The following ADM variants were observed in gnomAD, a reference collection of about 807,000 sequenced individuals.
ADM encodes pro-adrenomedullin.
A neutral mutation model predicts 9.0 loss-of-function variants in ADM; 4 were observed. The observed-to-expected ratio is 0.44, with a 90% CI of 0.22 to 1.02. The LOEUF (loss-of-function observed/expected upper bound fraction) is 1.02. Among genes scored for constraint, ADM ranks in the 50% least tolerant of loss-of-function variants. ADM has a pLI of 0.24. For missense variants in ADM, 253 were observed against 254.1 expected (o/e 1.00, Z 0.03); for synonymous variants, 107 against 107.2 (o/e 1.00, Z 0.01).
rs769266584 is a variant in ADM, at chr11:10,305,698, G to C, written c.-3G>C. 1.2e-6 allele frequency: 2 copies of C among 1,613,642 alleles called. No individual in the cohort carries two copies. Among genetic ancestry groups the C allele is most frequent in the Non-Finnish European group, 1.7e-6 (2 of 1,179,922 alleles). ...TTTCCAGGGTCTGCGCTTCGCAGCCGGGATGAAGCTGGTTTCCGTCGCCCT... is the reference window on the plus strand; with the variant it reads ...TTTCCAGGGTCTGCGCTTCGCAGCCCGGATGAAGCTGGTTTCCGTCGCCCT... On this transcript the variant is annotated 5_prime_UTR_variant, in exon 2 of 4. Coordinates refer to ENST00000278175, the MANE Select transcript of ADM (RefSeq NM_001124.3).
At position 10,306,738 on chromosome 11, in the gene ADM, T is replaced by C; in HGVS notation, c.*97T>C. The C allele has an allele frequency of 7.7e-7, 1 of 1,300,654 alleles. No individual in the cohort carries two copies. The highest frequency in any genetic ancestry group is 1.5e-5 in the African/African-American group (1 of 66,426). 80.6% of individuals were successfully genotyped at this position (1,300,654 alleles called of 1,614,324 possible). On this transcript the variant is annotated 3_prime_UTR_variant, in exon 4 of 4. Transcript: ENST00000278175. Reference sequence around the variant, plus strand: ...CCCGAGCGGTGTGGGGACCGGGCTCTGACAGCCCTGCGGAGACCCTGAGTC... The same window carrying C: ...CCCGAGCGGTGTGGGGACCGGGCTCCGACAGCCCTGCGGAGACCCTGAGTC...
intron 1 of ADM, 63 bp downstream of exon 1, chr11:10,305,292 A>C: frequency 5.2e-6 from 1 of 190,952 alleles, no homozygotes; most frequent in Non-Finnish European, 1.1e-5. Context: ...CCAAGGCCCT[A>C]AACTGGGAGC....
intron 1 of ADM, 40 bp from the exon 2 acceptor site, chr11:10,305,640 G>T (rs1050111038): frequency 6.4e-6 from 10 of 1,568,684 alleles, no homozygotes; most frequent in Admixed American, 5.1e-5. Flanking sequence ...GGTGCAGCTG[G>T]CCCGGGTGCT....
chr11:10,305,568 G>C (rs1964644056), intron 1 of ADM, 112 bp from the exon 2 acceptor site: 3 of 850,134 alleles, frequency 3.5e-6, no homozygotes, highest in Non-Finnish European at 3.7e-6. Context: ...CTGAGCCAGG[G>C]AAAGCGCGGG....
chr11:10,306,311 T>TGGCGCG, intron 3 of ADM, 21 bp from the exon 4 acceptor site: 4 of 1,543,778 alleles, frequency 2.6e-6, no homozygotes, highest in Non-Finnish European at 3.6e-6. Flanking sequence ...TTGCCTTTCT[T>TGGCGCG]CCCCCTCCCC....
rs1483246640 is a variant in ADM, at chr11:10,306,635, T to G, written c.552T>G (p.Phe184Leu). Reference sequence around the variant, plus strand: ...CCCCGAGTGGAAGTGCTCCCCACTTTCTTTAGGATTTAGGCGCCCATGGTA... The same window carrying G: ...CCCCGAGTGGAAGTGCTCCCCACTTGCTTTAGGATTTAGGCGCCCATGGTA... ...PAPPSGSAPH[F>L]L Residue 184 changes from phenylalanine (F) to leucine (L), a missense_variant, in exon 4 of 4, where the codon TTT (phenylalanine) becomes TTG (leucine). Phe to Leu is a conservative substitution (Grantham distance 22). Transcript: ENST00000278175. The G allele has an allele frequency of 6.5e-7, 1 of 1,529,388 alleles. No individual in the cohort carries two copies. Among genetic ancestry groups the G allele is most frequent in the Non-Finnish European group, 8.8e-7 (1 of 1,141,292 alleles). 94.7% of individuals were successfully genotyped at this position (1,529,388 alleles called of 1,614,324 possible).
rs142257440 is a variant in ADM at position 10,305,718 on chromosome 11, C to T, written c.18C>T (p.Val6=). 77 of 1,614,064 alleles carry T rather than the reference C, an allele frequency of 4.8e-5. No individual in the cohort carries two copies. In the African/African-American group the frequency reaches 8.7e-4, roughly 18 times the overall value. The change falls in exon 2 of 4, where the codon GTC becomes GTT. Residue 6 remains valine, a synonymous_variant. Coordinates refer to ENST00000278175, the MANE Select transcript of ADM (RefSeq NM_001124.3). ...CAGCCGGGATGAAGCTGGTTTCCGT[C>T]GCCCTGATGTACCTGGGTTCGCTCG... The part of the protein sequence containing the change: MKLVS[V]ALMYLGSLAF...
At chr11:10,306,216 G>T in intron 3 of ADM, 116 bp from the exon 4 acceptor site, 1 of 1,535,130 alleles carries the variant, frequency 6.5e-7, no homozygotes, top group Non-Finnish European at 8.8e-7. Context: ...CTCAGATGGC[G>T]CGAGCAGTTT....
chr11:10,305,645 G>A (rs1424609820), intron 1 of ADM, 35 bp from the exon 2 acceptor site: 2 of 1,577,524 alleles, frequency 1.3e-6, no homozygotes, highest in Non-Finnish European at 1.7e-6. Flanking sequence ...AGCTGGCCCG[G>A]GTGCTCACGC....
At chr11:10,305,631 G>T in intron 1 of ADM, 49 bp from the exon 2 acceptor site, 1 of 1,532,906 alleles carries the variant, frequency 6.5e-7, no homozygotes, top group Non-Finnish European at 8.9e-7. Context: ...CGCCCGGGCG[G>T]TGCAGCTGGC....
In ADM at chr11:10,306,574, T is replaced by A; in HGVS notation, c.491T>A (p.Val164Glu). Residue 164 changes from valine (V) to glutamate (E), a missense_variant, in exon 4 of 4, where the codon GTG (valine) becomes GAG (glutamate). Transcript: ENST00000278175. Reference sequence around the variant, plus strand: ...GAGGCCGGCCCGGGTCGGACTCTGGTGTCTTCTAAGCCACAAGCACACGGG... The same window carrying A: ...GAGGCCGGCCCGGGTCGGACTCTGGAGTCTTCTAAGCCACAAGCACACGGG... ...LPEAGPGRTL[V>E]SSKPQAHGAP... 6.2e-7 allele frequency: 1 copy of A among 1,611,686 alleles called. No individual in the cohort carries two copies. Among genetic ancestry groups the A allele is most frequent in the Non-Finnish European group, 8.5e-7 (1 of 1,179,134 alleles).
Position 10,306,466 on chromosome 11 carries a change from C to T in ADM, c.383C>T (p.Thr128Ile), listed in dbSNP as rs763554599. Reference sequence around the variant, plus strand: ...CTGGCACACCAGATCTACCAGTTCACAGATAAGGACAAGGACAACGTCGCC... The same window carrying T: ...CTGGCACACCAGATCTACCAGTTCATAGATAAGGACAAGGACAACGTCGCC... Reference protein sequence around the residue: ...QKLAHQIYQFTDKDKDNVAPR... With the variant: ...QKLAHQIYQFIDKDKDNVAPR... The change falls in exon 4 of 4, where the codon ACA (threonine) becomes ATA (isoleucine). Residue 128 changes from threonine (T) to isoleucine (I), a missense_variant. Physicochemically the swap from Thr to Ile is moderately conservative, Grantham distance 89. Coordinates refer to ENST00000278175, the MANE Select transcript of ADM (RefSeq NM_001124.3). The T allele has an allele frequency of 6.2e-7, 1 of 1,613,700 alleles. No homozygotes were observed. The highest frequency in any genetic ancestry group is 1.7e-5 in the Admixed American group (1 of 59,994).
rs1030397662 is a variant in ADM, at chr11:10,306,762, T to C, written c.*121T>C. 5 of 1,043,014 alleles carry C rather than the reference T, an allele frequency of 4.8e-6. No homozygotes were observed. Among genetic ancestry groups the C allele is most frequent in the Non-Finnish European group, 6.7e-6 (5 of 750,320 alleles). 64.6% of individuals were successfully genotyped at this position (1,043,014 alleles called of 1,614,324 possible). ...CTGACAGCCCTGCGGAGACCCTGAGTCCGGGAGGCACCGTCCGGCGGCGAG... is the reference window on the plus strand; with the variant it reads ...CTGACAGCCCTGCGGAGACCCTGAGCCCGGGAGGCACCGTCCGGCGGCGAG... On this transcript the variant is annotated 3_prime_UTR_variant, in exon 4 of 4. Coordinates refer to ENST00000278175, the MANE Select transcript of ADM (RefSeq NM_001124.3).
intron 1 of ADM, chr11:10,305,444 G>A: frequency 1.9e-6 from 1 of 532,000 alleles, no homozygotes; most frequent in Non-Finnish European, 3.4e-6. Context: ...AAGAAGTTGA[G>A]CAGAGACCCT....
At chr11:10,305,459 G>C (rs35527436) in intron 1 of ADM, 118 of 552,698 alleles carry the variant, frequency 2.1e-4, no homozygotes, top group African/African-American at 2.1e-3. Context: ...GACCCTCTGG[G>C]AGCCTGGCGG....
chr11:10,306,729 A>G lies in ADM; in HGVS notation c.*88A>G. On this transcript the variant is annotated 3_prime_UTR_variant, in exon 4 of 4. Coordinates refer to ENST00000278175, the MANE Select transcript of ADM (RefSeq NM_001124.3). Reference sequence around the variant, plus strand: ...GAAGGACTTCCCGAGCGGTGTGGGGACCGGGCTCTGACAGCCCTGCGGAGA... The same window carrying G: ...GAAGGACTTCCCGAGCGGTGTGGGGGCCGGGCTCTGACAGCCCTGCGGAGA... 1.4e-6 allele frequency: 2 copies of G among 1,385,106 alleles called. No homozygotes were observed. Among genetic ancestry groups the G allele is most frequent in the Non-Finnish European group, 1.9e-6 (2 of 1,033,998 alleles). 85.8% of individuals were successfully genotyped at this position (1,385,106 alleles called of 1,614,324 possible). A position where few individuals can be genotyped will look rare whatever the true frequency, so the allele number is the denominator to read the frequency against.
intron 3 of ADM, 84 bp from the exon 4 acceptor site, chr11:10,306,248 A>G (rs1230483952): frequency 1.3e-6 from 2 of 1,555,156 alleles, no homozygotes; most frequent in South Asian, 2.3e-5. Flanking sequence ...TGGCTCTAGA[A>G]TGGCTCCCGT....
At chr11:10,305,839 A>T (rs750438031) in intron 2 of ADM, 41 bp downstream of exon 2, 1 of 1,612,088 alleles carries the variant, frequency 6.2e-7, no homozygotes, top group Admixed American at 1.7e-5. Context: ...GGTACCTGGC[A>T]GGCAAGGGGA....
At chr11:10,305,639 G>A in intron 1 of ADM, 41 bp from the exon 2 acceptor site, 1 of 1,560,820 alleles carries the variant, frequency 6.4e-7, no homozygotes. Context: ...CGGTGCAGCT[G>A]GCCCGGGTGC....
Sources: gnomAD v4.1 joint callset for allele counts on GRCh38, gnomAD v4.1.1 for gene constraint, MANE v1.5 for transcripts, NCBI Gene and HGNC (gene_info 2026-07-23, HGNC 2026-07-21) for gene names.